Variants in PIAS1 observed in about 807,000 individuals in gnomAD.
PIAS1 encodes protein inhibitor of activated STAT 1, also known as E3 SUMO-protein ligase PIAS1.
In PIAS1, 6 loss-of-function variants were observed where a neutral mutation model predicts 71.3. The ratio of observed to expected loss-of-function variants is 0.08; its 90% CI spans 0.05 to 0.17. The LOEUF (loss-of-function observed/expected upper bound fraction) is 0.17, where lower values mean the gene tolerates loss of function less well. PIAS1 is among the 10% of genes least tolerant of loss of function. PIAS1 has a pLI of 1.00. For synonymous variants in PIAS1, 303 were observed against 292.9 expected (o/e 1.03, Z -0.35); for missense variants, 555 against 793.6 (o/e 0.70, Z 3.61).
chr15:68,095,305 C>T (rs1198051294), intron 2 of PIAS1, among the ~76,000 whole-genome samples: 2 of 152,104 alleles, frequency 1.3e-5, no homozygotes, highest in African/African-American at 2.4e-5. Flanking sequence ...TGCCGTGCTT[C>T]GCTCAGCCTC....
rs368138983 is a variant in PIAS1 at position 68,142,055 on chromosome 15, G to C, written c.554+25G>C. The C allele has an allele frequency of 2.0e-6, 3 of 1,498,460 alleles. No individual in the cohort carries two copies. In the Admixed American group the frequency reaches 5.5e-5, roughly 27 times the overall value. 92.8% of individuals were successfully genotyped at this position (1,498,460 alleles called of 1,614,324 possible). A position where few individuals can be genotyped will look rare whatever the true frequency, so the allele number is the denominator to read the frequency against. On this transcript the variant is annotated intron_variant, in intron 3 of 13. Coordinates refer to ENST00000249636, the MANE Select transcript of PIAS1 (RefSeq NM_016166.3). ...TGTAAGTTGTCGTCAAGTGTAACTTGAAGTTTGACCTTTGAATCCAGTAGT... is the reference window on the plus strand; with the variant it reads ...TGTAAGTTGTCGTCAAGTGTAACTTCAAGTTTGACCTTTGAATCCAGTAGT...
At chr15:68,139,646 T>C in intron 2 of PIAS1, among the ~76,000 whole-genome samples, 1 of 152,260 alleles carries the variant, frequency 6.6e-6, no homozygotes, top group African/African-American at 2.4e-5. Flanking sequence ...TGTCAGTTAA[T>C]TTTTTTAACC....
chr15:68,185,232 A>G lies in PIAS1; in HGVS notation c.1662+1565A>G, dbSNP rs1305850114. ...TTTGCCCAGGCTATTGCTGCAACTG[A>G]AAAACACCGAGAGGACACTGATGCA... On this transcript the variant is annotated intron_variant, in intron 13 of 13. Transcript: ENST00000249636. The surrounding 1 kb of genome is among the most constrained non-coding windows in gnomAD (Gnocchi z 4.4). Among the ~76,000 whole-genome samples the G allele has an allele frequency of 4.6e-5, 7 of 152,176 alleles. No homozygotes were observed. The highest frequency in any genetic ancestry group is 1.0e-4 in the Non-Finnish European group (7 of 68,022).
intron 1 of PIAS1, among the ~76,000 whole-genome samples, chr15:68,079,890 T>G (rs1040024359): frequency 1.3e-5 from 2 of 152,158 alleles, no homozygotes; most frequent in African/African-American, 4.8e-5. Context: ...TGGAGTACAA[T>G]GGTGCGATCT....
chr15:68,064,432 CA>C (rs2091994566), intron 1 of PIAS1, among the ~76,000 whole-genome samples: 1 of 152,174 alleles, frequency 6.6e-6, no homozygotes, highest in Non-Finnish European at 1.5e-5. Context: ...CTGCATAACT[CA>C]GTGAACTAAT....
chr15:68,076,503 AAAAG>A (rs2092166843), intron 1 of PIAS1, among the ~76,000 whole-genome samples: 1 of 152,208 alleles, frequency 6.6e-6, no homozygotes, highest in African/African-American at 2.4e-5. Flanking sequence ...CTGTCTCAAA[AAAAG>A]AAAGAACAAC....
chr15:68,161,124 T>A (rs1432035068), intron 7 of PIAS1, among the ~76,000 whole-genome samples: 1 of 152,182 alleles, frequency 6.6e-6, no homozygotes, highest in Non-Finnish European at 1.5e-5. Context: ...GAATGCATGG[T>A]CAATATACAA....
intron 2 of PIAS1, among the ~76,000 whole-genome samples, chr15:68,126,442 A>C (rs1272588077): frequency 6.6e-6 from 1 of 151,984 alleles, no homozygotes; most frequent in East Asian, 1.9e-4. Flanking sequence ...ATAACTAGTT[A>C]ATTGTTTTTG....
intron 2 of PIAS1, among the ~76,000 whole-genome samples, chr15:68,128,404 T>C (rs1402408537): frequency 6.6e-6 from 1 of 152,154 alleles, no homozygotes; most frequent in Non-Finnish European, 1.5e-5. Context: ...TGCCTCGGCC[T>C]CCCAAAGTGC....
At chr15:68,163,463 T>TA (rs1355432651) in intron 7 of PIAS1, among the ~76,000 whole-genome samples, 1 of 152,186 alleles carries the variant, frequency 6.6e-6, no homozygotes, top group Admixed American at 6.5e-5. Flanking sequence ...CTGGAGCTTT[T>TA]AAAAAACTAC....
At chr15:68,127,829 C>G (rs906235753) in intron 2 of PIAS1, among the ~76,000 whole-genome samples, 1 of 152,068 alleles carries the variant, frequency 6.6e-6, no homozygotes, top group Non-Finnish European at 1.5e-5. Context: ...GTAGTGTGAC[C>G]TCAGCTCGCT....
At chr15:68,144,934 T>C (rs1053843839) in intron 4 of PIAS1, among the ~76,000 whole-genome samples, 1 of 152,134 alleles carries the variant, frequency 6.6e-6, no homozygotes, top group African/African-American at 2.4e-5. Flanking sequence ...AGAGGAGTTG[T>C]TGGCACATGA....
At chr15:68,139,684 T>A (rs2092757082) in intron 2 of PIAS1, among the ~76,000 whole-genome samples, 1 of 152,180 alleles carries the variant, frequency 6.6e-6, no homozygotes. Context: ...TTTAAAAAGA[T>A]TAAGATTTTA....
At chr15:68,149,227 G>T (rs938787362) in intron 6 of PIAS1, among the ~76,000 whole-genome samples, 1 of 151,996 alleles carries the variant, frequency 6.6e-6, no homozygotes, top group African/African-American at 2.4e-5. Context: ...TAGGCTTAAA[G>T]GATACATTTG....
At chr15:68,108,722 C>T (rs2092495116) in intron 2 of PIAS1, among the ~76,000 whole-genome samples, 1 of 152,120 alleles carries the variant, frequency 6.6e-6, no homozygotes, top group African/African-American at 2.4e-5. Context: ...AGAGTATCTT[C>T]ATCCTTTTTG....
intron 2 of PIAS1, among the ~76,000 whole-genome samples, chr15:68,131,422 C>G (rs756835337): frequency 3.3e-5 from 5 of 151,852 alleles, no homozygotes; most frequent in Non-Finnish European, 7.4e-5. Flanking sequence ...GAAATTTACT[C>G]TTAGCAATTT....
chr15:68,128,366 C>T (rs929145245), intron 2 of PIAS1, among the ~76,000 whole-genome samples: 1 of 152,052 alleles, frequency 6.6e-6, no homozygotes, highest in Non-Finnish European at 1.5e-5. Context: ...AGGGTTTTGC[C>T]TTGTTGCCCA....
At chr15:68,089,106 T>C (rs35619909) in intron 2 of PIAS1, among the ~76,000 whole-genome samples, 23,972 of 152,158 alleles carry the variant, frequency 0.16, 2,532 homozygotes, top group South Asian at 0.34. Context: ...TTAAACAGAT[T>C]TTAAGATGTT....
chr15:68,087,929 CATA>C (rs1247293340), intron 2 of PIAS1: 2 of 298,172 alleles, frequency 6.7e-6, no homozygotes, highest in Non-Finnish European at 6.9e-6. Context: ...TTTAAGTGGC[CATA>C]ATAAGAAAAC....
Sources: allele counts gnomAD v4.1 joint callset (sites outside exome capture counted in the v4.1 genomes callset), GRCh38; gene constraint gnomAD v4.1.1; non-coding constraint Gnocchi (gnomAD v3.1); transcripts MANE v1.5; gene names NCBI Gene and HGNC (gene_info 2026-07-23, HGNC 2026-07-21).